The following ABAT variants were observed in gnomAD, a reference collection of about 807,000 sequenced individuals.
The protein encoded by ABAT is 4-aminobutyrate aminotransferase, also known as 4-aminobutyrate aminotransferase, mitochondrial.
In ABAT, 45 loss-of-function variants were observed where a neutral mutation model predicts 64.6. The ratio of observed to expected loss-of-function variants is 0.70; its 90% CI spans 0.55 to 0.89. ABAT has a LOEUF of 0.89. ABAT is among the 40% of genes least tolerant of loss of function. The probability of loss-of-function intolerance (pLI) is 0.00; values close to 1 mark genes in which losing one functional copy is unlikely to be tolerated. For synonymous variants in ABAT, 297 were observed against 250.5 expected (o/e 1.19, Z -1.75); for missense variants, 633 against 658.4 (o/e 0.96, Z 0.42).
intron 2 of ABAT, chr16:8,737,271 G>C (rs957979231): frequency 6.6e-6 from 1 of 151,752 alleles, no homozygotes; most frequent in Non-Finnish European, 1.5e-5. Context: ...TGAGGTCAGG[G>C]GTCGAGACCA....
At chr16:8,740,798 T>A (rs2059141856) in intron 2 of ABAT, among the ~76,000 whole-genome samples, 1 of 152,222 alleles carries the variant, frequency 6.6e-6, no homozygotes, top group Non-Finnish European at 1.5e-5. Flanking sequence ...ATTAAATGTG[T>A]TTTCTTTTTT....
intron 1 of ABAT, among the ~76,000 whole-genome samples, chr16:8,732,583 T>C (rs2058762922): frequency 6.6e-6 from 1 of 151,690 alleles, no homozygotes; most frequent in South Asian, 2.1e-4. Flanking sequence ...GAAGTTTTCT[T>C]AGCACAGAAC....
chr16:8,700,198 G>C (rs917496432), intron 1 of ABAT, among the ~76,000 whole-genome samples: 1 of 152,148 alleles, frequency 6.6e-6, no homozygotes, highest in East Asian at 1.9e-4. Context: ...TATTGCAGGT[G>C]TGGTTTTTGC....
intron 2 of ABAT, chr16:8,737,611 G>C (rs965638856): frequency 1.3e-5 from 2 of 151,826 alleles, no homozygotes; most frequent in African/African-American, 4.8e-5. Context: ...ACATCACCAA[G>C]ATGCAGTTGT....
chr16:8,751,660 C>T (rs1412668641), intron 5 of ABAT, among the ~76,000 whole-genome samples: 1 of 152,118 alleles, frequency 6.6e-6, no homozygotes, highest in Non-Finnish European at 1.5e-5. Flanking sequence ...ATAATCTCCT[C>T]GGAAAAGTGG....
chr16:8,725,640 T>C (rs1446187690), intron 1 of ABAT, among the ~76,000 whole-genome samples: 1 of 152,244 alleles, frequency 6.6e-6, no homozygotes, highest in Non-Finnish European at 1.5e-5. Context: ...TCTGGGCTTT[T>C]TCTACCTTTC....
intron 1 of ABAT, among the ~76,000 whole-genome samples, chr16:8,692,783 G>A (rs1361278690): frequency 6.6e-6 from 1 of 152,208 alleles, no homozygotes; most frequent in Non-Finnish European, 1.5e-5. Flanking sequence ...CTACCTGGCT[G>A]ACTGAAAGAA....
intron 1 of ABAT, among the ~76,000 whole-genome samples, chr16:8,735,187 A>AG (rs1193851760): frequency 6.6e-6 from 1 of 151,942 alleles, no homozygotes; most frequent in East Asian, 1.9e-4. Context: ...AAAAAAAAAA[A>AG]AAAAATGTGA....
intron 1 of ABAT, among the ~76,000 whole-genome samples, chr16:8,694,117 C>T (rs1203621844): frequency 1.3e-5 from 2 of 151,942 alleles, no homozygotes; most frequent in Non-Finnish European, 2.9e-5. Context: ...GCAAGCTCTG[C>T]CTCCCAGGTT....
chr16:8,690,697 C>G (rs559992198), intron 1 of ABAT, among the ~76,000 whole-genome samples: 11 of 152,146 alleles, frequency 7.2e-5, no homozygotes, highest in Non-Finnish European at 1.6e-4. Flanking sequence ...GGTTTTGGTT[C>G]TTTCTGCACC....
In ABAT at chr16:8,737,940, GAAAGGAAGA is replaced by G. The variant is rs1420578936; in HGVS notation, c.70+2134_70+2142del. Among the ~76,000 whole-genome samples the G allele has an allele frequency of 2.7e-3, 20 of 7,530 alleles. 3 individuals carry two copies. Among genetic ancestry groups the G allele is most frequent in the South Asian group, 6.8e-3 (1 of 146 alleles). 4.9% of individuals were successfully genotyped at this position (7,530 alleles called of 152,430 possible). On this transcript the variant is annotated intron_variant, in intron 2 of 15. Coordinates refer to ENST00000268251, the MANE Select transcript of ABAT (RefSeq NM_020686.6). ...GAGATTAAAAAAAAAAAAAAGAAAG[GAAAGGAAGA>G]AAGGAAGGAAGGAAGGAAGGAAGGA...
At chr16:8,757,844 G>A in intron 6 of ABAT, 38 bp downstream of exon 6, 1 of 1,596,854 alleles carries the variant, frequency 6.3e-7, no homozygotes, top group Non-Finnish European at 8.6e-7. Context: ...GACAAAATAT[G>A]TTCATGGCCA....
At chr16:8,755,718 C>T (rs1253112389) in intron 5 of ABAT, among the ~76,000 whole-genome samples, 3 of 151,626 alleles carry the variant, frequency 2.0e-5, no homozygotes, top group African/African-American at 4.9e-5. Context: ...CAAGACGAGC[C>T]TCGCCAACAT....
intron 13 of ABAT, among the ~76,000 whole-genome samples, chr16:8,775,492 A>G (rs1171553747): frequency 6.6e-6 from 1 of 152,198 alleles, no homozygotes; most frequent in East Asian, 1.9e-4. Flanking sequence ...GTTAAGTGAC[A>G]AAGCCAGGAT....
At chr16:8,745,635 G>T (rs2059306433) in intron 2 of ABAT, among the ~76,000 whole-genome samples, 1 of 151,932 alleles carries the variant, frequency 6.6e-6, no homozygotes, top group African/African-American at 2.4e-5. Flanking sequence ...GAGGTCAGGG[G>T]TGCAGTGAGC....
intron 5 of ABAT, 54 bp from the exon 6 acceptor site, chr16:8,757,703 C>A (rs2059686849): frequency 1.3e-6 from 2 of 1,556,986 alleles, no homozygotes; most frequent in African/African-American, 1.4e-5. Flanking sequence ...GTGGGAGGGG[C>A]ATGGGGAACC....
Position 8,721,143 on chromosome 16 carries a change from G to A in ABAT, c.-41-14556G>A, listed in dbSNP as rs2313427. ...CTTAATGTGCCTGAGGTTATACGGC[G>A]GGTCAGTGAGAGGCCAGGGATGTCT... On this transcript the variant is annotated intron_variant, in intron 1 of 15. Coordinates refer to ENST00000268251, the MANE Select transcript of ABAT (RefSeq NM_020686.6). 0.18 allele frequency among the ~76,000 whole-genome samples: 27,153 copies of A among 152,034 alleles called. 3,523 individuals carry two copies. The highest frequency in any genetic ancestry group is 0.56 in the East Asian group (2,870 of 5,164).
At chr16:8,732,202 T>G (rs1438383899) in intron 1 of ABAT, among the ~76,000 whole-genome samples, 25 of 19,506 alleles carry the variant, frequency 1.3e-3, no homozygotes, top group African/African-American at 2.1e-3. Context: ...TTTTGTTTTT[T>G]TTTTTTGTTT....
In ABAT at chr16:8,775,063, T is replaced by C; in HGVS notation, c.1122+6T>C. ...AGGAGTTCAGGCCTAATGCTGTGAG[T>C]TGGAGCCAACCTTCTCTCTACATCC... On this transcript the variant is annotated splice_donor_region_variant and intron_variant, in intron 13 of 15. Transcript: ENST00000268251. The C allele has an allele frequency of 6.2e-7, 1 of 1,614,190 alleles. No homozygotes were observed. Among genetic ancestry groups the C allele is most frequent in the South Asian group, 1.1e-5 (1 of 91,074 alleles).
Sources: gnomAD v4.1 joint callset for allele counts (sites outside exome capture counted in the v4.1 genomes callset) on GRCh38, gnomAD v4.1.1 for gene constraint, MANE v1.5 for transcripts, NCBI Gene and HGNC (gene_info 2026-07-23, HGNC 2026-07-21) for gene names.